Variants in DLG2 observed in about 807,000 individuals in gnomAD.
DLG2 encodes the protein disks large homolog 2.
Under a neutral mutation model 132.5 loss-of-function variants are expected in DLG2, and 45 were observed. That is an observed-to-expected ratio of 0.34 (90% CI 0.27 to 0.44). The LOEUF is 0.44. Ranked by LOEUF, DLG2 falls within the 20% of genes least tolerant of loss-of-function variation. The pLI, the probability that DLG2 is intolerant of heterozygous loss-of-function variation, is 1.00. For synonymous variants in DLG2, 424 were observed against 419.6 expected (o/e 1.01, Z -0.13); for missense variants, 1,045 against 1,196.9 (o/e 0.87, Z 1.87).
chr11:84,136,682 A>T (rs983842565), intron 9 of DLG2, among the ~76,000 whole-genome samples: 1 of 152,202 alleles, frequency 6.6e-6, no homozygotes, highest in African/African-American at 2.4e-5. Flanking sequence ...ACAGTGGGTC[A>T]GAAACTTTGC....
chr11:84,390,454 G>C (rs2098788633), intron 7 of DLG2, among the ~76,000 whole-genome samples: 1 of 152,142 alleles, frequency 6.6e-6, no homozygotes, highest in African/African-American at 2.4e-5. Context: ...TTGAATGCCA[G>C]GTTAGAAAAA....
chr11:84,305,663 T>G (rs2098209353), intron 7 of DLG2, among the ~76,000 whole-genome samples: 2 of 152,144 alleles, frequency 1.3e-5, no homozygotes, highest in South Asian at 4.1e-4. Context: ...TTCCTTCTCA[T>G]GAGAAGGCAT....
intron 3 of DLG2, among the ~76,000 whole-genome samples, chr11:85,566,656 C>A (rs557039346): frequency 6.6e-6 from 1 of 152,134 alleles, no homozygotes; most frequent in South Asian, 2.1e-4. Flanking sequence ...TGTCCTCATG[C>A]CCTAATTAAC....
chr11:84,177,292 T>C (rs2154276481), intron 8 of DLG2, among the ~76,000 whole-genome samples: 1 of 152,284 alleles, frequency 6.6e-6, no homozygotes, highest in South Asian at 2.1e-4. Flanking sequence ...TCACAAACCC[T>C]GCCTTTCTTT....
intron 6 of DLG2, among the ~76,000 whole-genome samples, chr11:84,590,678 C>G (rs188313023): frequency 6.6e-6 from 1 of 152,040 alleles, no homozygotes; most frequent in Non-Finnish European, 1.5e-5. Context: ...GAAGGTGTTC[C>G]TTACCTTCAT....
chr11:84,718,144 A>C (rs899045878), intron 6 of DLG2, among the ~76,000 whole-genome samples: 11 of 152,114 alleles, frequency 7.2e-5, no homozygotes, highest in South Asian at 2.1e-4. Context: ...CCTTCTGTTA[A>C]GTATGGTTAT....
At chr11:84,521,806 A>G (rs2154516942) in intron 7 of DLG2, among the ~76,000 whole-genome samples, 1 of 152,364 alleles carries the variant, frequency 6.6e-6, no homozygotes, top group East Asian at 1.9e-4. Flanking sequence ...AATTAAAAGC[A>G]GGTAATATGT....
At chr11:85,292,666 G>GAGGGAGGGAGGC (rs2078979242) in intron 3 of DLG2, among the ~76,000 whole-genome samples, 1 of 12,296 alleles carries the variant, frequency 8.1e-5, no homozygotes, top group African/African-American at 1.9e-4. Flanking sequence ...GGGAGGGAGG[G>GAGGGAGGGAGGC]AGGGAGGGAG....
chr11:85,338,520 T>C (rs2082277771), intron 3 of DLG2, among the ~76,000 whole-genome samples: 1 of 152,120 alleles, frequency 6.6e-6, no homozygotes, highest in Admixed American at 6.5e-5. Flanking sequence ...ATCTATATCC[T>C]GGTTAGTGTT....
intron 6 of DLG2, among the ~76,000 whole-genome samples, chr11:84,680,768 A>T (rs2099727178): frequency 6.6e-6 from 1 of 152,208 alleles, no homozygotes. Context: ...ATAAAAGGAA[A>T]TGTTAACACT....
chr11:83,791,181 G>A (rs1404392419), intron 17 of DLG2: 1 of 637,872 alleles, frequency 1.6e-6, no homozygotes, highest in Admixed American at 2.5e-5. Flanking sequence ...GGACTGCAGT[G>A]ATGGCTGCGG....
At chr11:85,448,450 G>T (rs934546043) in intron 3 of DLG2, among the ~76,000 whole-genome samples, 3 of 152,074 alleles carry the variant, frequency 2.0e-5, no homozygotes, top group African/African-American at 4.8e-5. Flanking sequence ...TGGAATAATA[G>T]GCCCAGATAA....
chr11:85,113,544 A>G (rs1594383923), intron 5 of DLG2, among the ~76,000 whole-genome samples: 1 of 152,076 alleles, frequency 6.6e-6, no homozygotes, highest in Non-Finnish European at 1.5e-5. Flanking sequence ...CAGACAAATA[A>G]AAAAGACTAG....
intron 20 of DLG2, among the ~76,000 whole-genome samples, chr11:83,539,943 C>G (rs1282480573): frequency 6.6e-6 from 1 of 152,142 alleles, no homozygotes; most frequent in South Asian, 2.1e-4. Context: ...AATCATAGAA[C>G]CTCAGGGTTG....
At chr11:84,425,435 C>T (rs964549520) in intron 7 of DLG2, among the ~76,000 whole-genome samples, 2 of 152,032 alleles carry the variant, frequency 1.3e-5, no homozygotes, top group Non-Finnish European at 2.9e-5. Flanking sequence ...TTTTATCCTG[C>T]TTTTTTCAAA....
rs182950956 is a variant in DLG2 at position 83,593,504 on chromosome 11, G to A, written c.1940+39707C>T. ...CTCTGGGGACTGTGGTGGGGTTGGC[G>A]GAGGGGGGAGGGATAGCATTGGGAG... On this transcript the variant is annotated intron_variant, in intron 19 of 27. Transcript: ENST00000376104. 6.5e-4 allele frequency among the ~76,000 whole-genome samples: 98 copies of A among 151,920 alleles called. 1 individual carries two copies. Among genetic ancestry groups the A allele is most frequent in the African/African-American group, 1.9e-3 (78 of 41,420 alleles).
In DLG2 at chr11:84,321,357, C is replaced by T. The variant is rs1013505596; in HGVS notation, c.520-70066G>A. On this transcript the variant is annotated intron_variant, in intron 7 of 27. Transcript: ENST00000376104. ...AGCACCCAGAGTAATTCCTAAAATG[C>T]AATTATGATCAGGTCCTTTATGCTT... is the stretch of plus-strand genomic sequence containing the variant. 3.9e-5 allele frequency among the ~76,000 whole-genome samples: 6 copies of T among 152,232 alleles called. No homozygotes were observed. In the South Asian group the frequency reaches 1.0e-3, roughly 26 times the overall value.
chr11:85,009,144 A>G (rs567566594), intron 6 of DLG2, among the ~76,000 whole-genome samples: 67 of 152,232 alleles, frequency 4.4e-4, no homozygotes, highest in African/African-American at 1.6e-3. Context: ...TTTGCAAGCC[A>G]TAGTAAGAAA....
At chr11:84,359,396 G>A (rs1318945530) in intron 7 of DLG2, among the ~76,000 whole-genome samples, 1 of 151,854 alleles carries the variant, frequency 6.6e-6, no homozygotes, top group Non-Finnish European at 1.5e-5. Context: ...CAGAATTACT[G>A]AGGAATTGGT....
Sources: gnomAD v4.1 joint callset for allele counts (sites outside exome capture counted in the v4.1 genomes callset) on GRCh38, gnomAD v4.1.1 for gene constraint, MANE v1.5 for transcripts, NCBI Gene and HGNC (gene_info 2026-07-23, HGNC 2026-07-21) for gene names.